MYO1G: variants seen among roughly 807,000 people sequenced by gnomAD.
MYO1G encodes the protein myosin IG, also known as unconventional myosin-Ig.
In MYO1G, 65 loss-of-function variants were observed where a neutral mutation model predicts 115.3. The ratio of observed to expected loss-of-function variants is 0.56; its 90% CI spans 0.46 to 0.69. The LOEUF (loss-of-function observed/expected upper bound fraction) is 0.69. Among genes scored for constraint, MYO1G ranks in the 30% least tolerant of loss-of-function variants. The pLI is 0.00. For synonymous variants in MYO1G, 510 were observed against 552.6 expected, an observed-to-expected ratio of 0.92 and a Z score of 1.08; for missense variants, 1,204 against 1,393.5, an observed-to-expected ratio of 0.86 and a Z score of 2.16.
chr7:44,969,543 T>G lies in MYO1G; in HGVS notation c.1504-60A>C. ...TATGTGGAGGGTCTGTATGAAGGGATAGCCCTGCCTCCCCACCTCCAGGGC... is the reference window on the plus strand; with the variant it reads ...TATGTGGAGGGTCTGTATGAAGGGAGAGCCCTGCCTCCCCACCTCCAGGGC... On this transcript the variant is annotated intron_variant, in intron 11 of 21. Transcript: ENST00000258787. This position sits in a 1 kb window ranked among gnomAD's most constrained non-coding sequence, Gnocchi z 5.0. 6.3e-7 allele frequency: 1 copy of G among 1,590,898 alleles called. No individual in the cohort carries two copies. The highest frequency in any genetic ancestry group is 8.6e-7 in the Non-Finnish European group (1 of 1,159,734).
In MYO1G at chr7:44,964,224, TTCGGCA is replaced by T; in HGVS notation, c.2632-68_2632-63del. ...CCTGTCACCCACCAGGGCCCCAGGC[TTCGGCA>T]GTCCCTACTGCCTCCCCTCCCCGCT... On this transcript the variant is annotated intron_variant, in intron 19 of 21. Coordinates refer to ENST00000258787, the MANE Select transcript of MYO1G (RefSeq NM_033054.3). The surrounding 1 kb of genome is among the most constrained non-coding windows in gnomAD (Gnocchi z 5.1). The T allele has an allele frequency of 6.9e-7, 1 of 1,457,450 alleles. No homozygotes were observed. Among genetic ancestry groups the T allele is most frequent in the Non-Finnish European group, 9.4e-7 (1 of 1,059,316 alleles). The allele number at this position is 1,457,450 out of a possible 1,614,324, so 90.3% of individuals were successfully genotyped here.
In MYO1G at chr7:44,972,109, A is replaced by G; in HGVS notation, c.729+6T>C. On this transcript the variant is annotated splice_donor_region_variant and intron_variant, in intron 6 of 21. Coordinates refer to ENST00000258787, the MANE Select transcript of MYO1G (RefSeq NM_033054.3). ...AGTTTGAGCCCTTGGTGCCCCTCAC[A>G]CTCACACTGTGCACAGTCATGTTGA... is the stretch of plus-strand genomic sequence containing the variant. 1 of 1,609,424 alleles carries G rather than the reference A, an allele frequency of 6.2e-7. No individual in the cohort carries two copies. Among genetic ancestry groups the G allele is most frequent in the Non-Finnish European group, 8.5e-7 (1 of 1,175,996 alleles).
rs186155390 is a variant in MYO1G, at chr7:44,974,795, G to A, written c.618+379C>T. On this transcript the variant is annotated intron_variant, in intron 5 of 21. Coordinates refer to ENST00000258787, the MANE Select transcript of MYO1G (RefSeq NM_033054.3). ...ACAGAGGTGCTCAGAGTCAATGCCC[G>A]TGTCCCCAGGAGCACCACTTCAGTG... 1.4e-3 allele frequency: 396 copies of A among 282,062 alleles called. 6 individuals are homozygous for A. The highest frequency in any genetic ancestry group is 4.1e-3 in the South Asian group (94 of 22,882). 17.5% of individuals were successfully genotyped at this position (282,062 alleles called of 1,614,324 possible).
At position 44,964,954 on chromosome 7, in the gene MYO1G, G is replaced by A; in HGVS notation, c.2517C>T (p.Tyr839=). 1 of 1,593,738 alleles carries A rather than the reference G, an allele frequency of 6.3e-7. No homozygotes were observed. Among genetic ancestry groups the A allele is most frequent in the Non-Finnish European group, 8.6e-7 (1 of 1,166,104 alleles). ...CTCGCCTGGCACTTACAGAGGACAG[G>A]TAGTCTCGGGCCCAGGCCCGTCGGC... is the stretch of plus-strand genomic sequence containing the variant. ...WGCRRAWARD[Y]LSSATDNPTA... is the part of the protein sequence containing the mutation. The change falls in exon 18 of 22, where the codon TAC becomes TAT. Residue 839 remains tyrosine, a synonymous_variant. Coordinates refer to ENST00000258787, the MANE Select transcript of MYO1G (RefSeq NM_033054.3). The surrounding 1 kb of genome is among the most constrained non-coding windows in gnomAD (Gnocchi z 5.1).
intron 1 of MYO1G, among the ~76,000 whole-genome samples, chr7:44,978,231 C>T (rs1264913303): frequency 6.6e-6 from 1 of 152,184 alleles, no homozygotes; most frequent in African/African-American, 2.4e-5. Flanking sequence ...CTGTGCCATG[C>T]CCCTACCTCC....
chr7:44,977,029 C>T lies in MYO1G; in HGVS notation c.138G>A (p.Leu46=). 6.2e-7 allele frequency: 1 copy of T among 1,613,534 alleles called. No individual in the cohort carries two copies. Among genetic ancestry groups the T allele is most frequent in the Non-Finnish European group, 8.5e-7 (1 of 1,180,008 alleles). The stretch of plus-strand genomic sequence containing the variant: ...GCTCCTGGTAGGGGTTCACGGACAC[C>T]AGCACCTCACCGATGTAGGTGTAGA... ...GRIYTYIGEV[L]VSVNPYQELP... Residue 46 remains leucine, a synonymous_variant, in exon 2 of 22, where the codon CTG becomes CTA. Transcript: ENST00000258787.
In MYO1G at chr7:44,969,117, A is replaced by C; in HGVS notation, c.1574+296T>G. 3.5e-6 allele frequency: 1 copy of C among 285,350 alleles called. No homozygotes were observed. Among genetic ancestry groups the C allele is most frequent in the Non-Finnish European group, 6.9e-6 (1 of 145,616 alleles). The allele number at this position is 285,350 out of a possible 1,614,324, so 17.7% of individuals were successfully genotyped here. A position where few individuals can be genotyped will look rare whatever the true frequency, so the allele number is the denominator to read the frequency against. ...TCCCCACCCCCACATCACCAGCCTG[A>C]AGCCCCCCACCCCACAGATGCTGGT... On this transcript the variant is annotated intron_variant, in intron 12 of 21. Transcript: ENST00000258787. This position sits in a 1 kb window ranked among gnomAD's most constrained non-coding sequence, Gnocchi z 5.0.
Position 44,967,605 on chromosome 7 carries a change from C to G in MYO1G, c.1782G>C (p.Lys594Asn). 1 of 1,613,804 alleles carries G rather than the reference C, an allele frequency of 6.2e-7. No individual in the cohort carries two copies. Among genetic ancestry groups the G allele is most frequent in the African/African-American group, 1.3e-5 (1 of 75,058 alleles). The change falls in exon 14 of 22, where the codon AAG becomes AAC. Residue 594 changes from lysine to asparagine, a missense_variant and splice_region_variant. Transcript: ENST00000258787. ...AGAGTGGGAGAGGGGTGGAACATAC[C>G]TTGGAGGCAAGGTTCTCCACCAGGG... ...MVALVENLAS[K>N]EPFYVRCIKP... is the part of the protein sequence containing the mutation.
Position 44,962,715 on chromosome 7 carries a change from TCGGGGTGCGGCGGGTG to T in MYO1G, c.*8_*23del. The T allele has an allele frequency of 6.9e-7, 1 of 1,457,820 alleles. No homozygotes were observed. Among genetic ancestry groups the T allele is most frequent in the Non-Finnish European group, 9.0e-7 (1 of 1,114,834 alleles). The allele number at this position is 1,457,820 out of a possible 1,614,324, so 90.3% of individuals were successfully genotyped here. On this transcript the variant is annotated 3_prime_UTR_variant, in exon 22 of 22. Coordinates refer to ENST00000258787, the MANE Select transcript of MYO1G (RefSeq NM_033054.3). This position sits in a 1 kb window ranked among gnomAD's most constrained non-coding sequence, Gnocchi z 5.3. ...CTGGCGGGGCGGACAATTGGCGGCCTCGGGGTGCGGCGGGTGCGGGCGCTCAGCGGCTGGGCCAGAG... is the reference window on the plus strand; with the variant it reads ...CTGGCGGGGCGGACAATTGGCGGCCTCGGGCGCTCAGCGGCTGGGCCAGAG...
intron 12 of MYO1G, chr7:44,968,629 C>T (rs11763365): frequency 0.37 from 56,212 of 151,822 alleles, 10,868 homozygotes; most frequent in East Asian, 0.62. Context: ...CTCAGCCTCC[C>T]GAGCAACTGG....
At chr7:44,975,257 C>T (rs374395930) in intron 4 of MYO1G, 30 bp from the exon 5 acceptor site, 29 of 1,613,276 alleles carry the variant, frequency 1.8e-5, no homozygotes, top group Non-Finnish European at 5.1e-6. Context: ...TGGACTCAGG[C>T]CTGGGAAGGA....
Position 44,963,823 on chromosome 7 carries a change from G to A in MYO1G, c.2745+226C>T. On this transcript the variant is annotated intron_variant, in intron 20 of 21. Coordinates refer to ENST00000258787, the MANE Select transcript of MYO1G (RefSeq NM_033054.3). This position sits in a 1 kb window ranked among gnomAD's most constrained non-coding sequence, Gnocchi z 4.1. ...TGGCTTGGCTAGAGTGTGAGAGTGG[G>A]GGTGGGGGGTGACTGGGCTGGTGGG... is the stretch of plus-strand genomic sequence containing the variant. The A allele has an allele frequency of 1.8e-6, 1 of 551,278 alleles. No homozygotes were observed. The highest frequency in any genetic ancestry group is 3.3e-6 in the Non-Finnish European group (1 of 305,408). 34.1% of individuals were successfully genotyped at this position (551,278 alleles called of 1,614,324 possible). A position where few individuals can be genotyped will look rare whatever the true frequency, so the allele number is the denominator to read the frequency against.
chr7:44,966,316 T>TG lies in MYO1G; in HGVS notation c.1950-37dup, dbSNP rs1794843403. ...AGGACAGGGCAGTGTGGCCCAGGCCTGGGGGAGAGATGATGGAGCCCACCC... is the reference window on the plus strand; with the variant it reads ...AGGACAGGGCAGTGTGGCCCAGGCCTGGGGGGAGAGATGATGGAGCCCACCC... On this transcript the variant is annotated intron_variant, in intron 15 of 21. Coordinates refer to ENST00000258787, the MANE Select transcript of MYO1G (RefSeq NM_033054.3). The surrounding 1 kb of genome is among the most constrained non-coding windows in gnomAD (Gnocchi z 5.0). The TG allele has an allele frequency of 1.3e-6, 2 of 1,548,806 alleles. No individual in the cohort carries two copies. Among genetic ancestry groups the TG allele is most frequent in the East Asian group, 4.8e-5 (2 of 41,918 alleles).
intron 4 of MYO1G, 108 bp downstream of exon 4, chr7:44,975,376 G>C (rs1411048282): frequency 2.6e-6 from 4 of 1,524,104 alleles, no homozygotes; most frequent in Non-Finnish European, 3.6e-6. Flanking sequence ...CACAGGGAGA[G>C]ACAGCCCAGC....
At chr7:44,970,180 G>A (rs754882546) in intron 9 of MYO1G, 26 bp from the exon 10 acceptor site, 1 of 1,506,218 alleles carries the variant, frequency 6.6e-7, no homozygotes, top group South Asian at 1.1e-5. Context: ...GCCTTTCAGA[G>A]GGGAGGTCGC....
Position 44,969,521 on chromosome 7 carries a change from G to A in MYO1G, c.1504-38C>T, listed in dbSNP as rs1167986804. 1 of 1,610,036 alleles carries A rather than the reference G, an allele frequency of 6.2e-7. No individual in the cohort carries two copies. The highest frequency in any genetic ancestry group is 2.2e-5 in the East Asian group (1 of 44,840). ...GCTGAGGTCAAGGCACAAAAGGTAT[G>A]TGGAGGGTCTGTATGAAGGGATAGC... On this transcript the variant is annotated intron_variant, in intron 11 of 21. Coordinates refer to ENST00000258787, the MANE Select transcript of MYO1G (RefSeq NM_033054.3). The surrounding 1 kb of genome is among the most constrained non-coding windows in gnomAD (Gnocchi z 5.0).
In MYO1G at chr7:44,969,624, C is replaced by T. The variant is rs539814899; in HGVS notation, c.1503+81G>A. On this transcript the variant is annotated intron_variant, in intron 11 of 21. Coordinates refer to ENST00000258787, the MANE Select transcript of MYO1G (RefSeq NM_033054.3). The surrounding 1 kb of genome is among the most constrained non-coding windows in gnomAD (Gnocchi z 5.0). ...ACCAAAGCTGGGTCCCCAACCAGGC[C>T]CCACGAGGCATGGGCAGCATGGTGC... The T allele has an allele frequency of 5.0e-4, 794 of 1,587,190 alleles. No individual in the cohort carries two copies. Among genetic ancestry groups the T allele is most frequent in the Non-Finnish European group, 6.2e-4 (721 of 1,161,868 alleles).
Position 44,964,050 on chromosome 7 carries a change from G to T in MYO1G, c.2744C>A (p.Ala915Glu). The change falls in exon 20 of 22, where the codon GCG (alanine) becomes GAG (glutamate). Residue 915 changes from alanine (A) to glutamate (E), a missense_variant and splice_region_variant. Transcript: ENST00000258787. This position sits in a 1 kb window ranked among gnomAD's most constrained non-coding sequence, Gnocchi z 5.1. ...CTACTCCCCACCCACATTGCTCACC[G>T]CCTCAAGGGGCACGGCCCGCATCAC... is the stretch of plus-strand genomic sequence containing the variant. ...YRVMRAVPLEAVTGLSVTSGG... is the reference protein window; with the variant it reads ...YRVMRAVPLEEVTGLSVTSGG... The T allele has an allele frequency of 6.3e-7, 1 of 1,582,904 alleles. No individual in the cohort carries two copies. Among genetic ancestry groups the T allele is most frequent in the Admixed American group, 1.8e-5 (1 of 55,462 alleles).
Position 44,976,895 on chromosome 7 carries a change from T to C in MYO1G, c.272A>G (p.His91Arg). 2 of 1,613,456 alleles carry C rather than the reference T, an allele frequency of 1.2e-6. No homozygotes were observed. Among genetic ancestry groups the C allele is most frequent in the Non-Finnish European group, 1.7e-6 (2 of 1,180,020 alleles). Residue 91 changes from histidine to arginine, a missense_variant, in exon 2 of 22, where the codon CAC becomes CGC. Coordinates refer to ENST00000258787, the MANE Select transcript of MYO1G (RefSeq NM_033054.3). ...VANAAYKAMK[H>R]RSRDTCIVIS... ...GACGATGCAGGTGTCCCTGGACCGG[T>C]GCTTCATTGCCTTGTAGGCGGCGTT...
Sources: gnomAD v4.1 joint callset for allele counts (sites outside exome capture counted in the v4.1 genomes callset) on GRCh38, gnomAD v4.1.1 for gene constraint, Gnocchi (gnomAD v3.1) non-coding constraint, MANE v1.5 for transcripts, NCBI Gene and HGNC (gene_info 2026-07-23, HGNC 2026-07-21) for gene names.